EGFLAM: variants seen among roughly 807,000 people sequenced by gnomAD.
EGFLAM encodes the protein pikachurin.
Under a neutral mutation model 113.1 loss-of-function variants are expected in EGFLAM, and 79 were observed. That is an observed-to-expected ratio of 0.70 (90% CI 0.58 to 0.84). The LOEUF is 0.84. Among genes scored for constraint, EGFLAM ranks in the 40% least tolerant of loss-of-function variants. The pLI is 0.00. For synonymous variants in EGFLAM, 504 were observed against 487.6 expected, an observed-to-expected ratio of 1.03 and a Z score of -0.44; for missense variants, 1,265 against 1,291.6, an observed-to-expected ratio of 0.98 and a Z score of 0.32.
intron 16 of EGFLAM, among the ~76,000 whole-genome samples, chr5:38,435,922 A>G (rs571039559): frequency 4.8e-5 from 7 of 145,722 alleles, no homozygotes; most frequent in Non-Finnish European, 1.0e-4. Flanking sequence ...GGTTCAAGCG[A>G]TTCTCCTGCC....
intron 10 of EGFLAM, among the ~76,000 whole-genome samples, chr5:38,409,434 G>A (rs1160336027): frequency 6.6e-6 from 1 of 151,892 alleles, no homozygotes; most frequent in Non-Finnish European, 1.5e-5. Flanking sequence ...TGGCACTGCA[G>A]GTGCTGTTGA....
chr5:38,401,636 G>C (rs1322939985), intron 6 of EGFLAM, among the ~76,000 whole-genome samples: 3 of 152,158 alleles, frequency 2.0e-5, no homozygotes, highest in Admixed American at 2.0e-4. Context: ...CAGCACTGTG[G>C]GAGTGTCTCC....
chr5:38,326,421 C>T (rs1461367004), intron 1 of EGFLAM, among the ~76,000 whole-genome samples: 4 of 152,282 alleles, frequency 2.6e-5, no homozygotes, highest in South Asian at 4.1e-4. Context: ...GGTCACTGTC[C>T]ACTGACAATT....
At chr5:38,463,720 T>TC (rs1394085434) in intron 21 of EGFLAM, 112 bp from the exon 22 acceptor site, 16 of 1,344,624 alleles carry the variant, frequency 1.2e-5, no homozygotes, top group African/African-American at 2.9e-5. Flanking sequence ...GTCCCATGAA[T>TC]CAAGGGATGC....
chr5:38,364,553 T>C (rs1740009702), intron 5 of EGFLAM, among the ~76,000 whole-genome samples: 1 of 152,022 alleles, frequency 6.6e-6, no homozygotes, highest in African/African-American at 2.4e-5. Flanking sequence ...AAAAAGGCCT[T>C]ATAAAGGTGC....
At chr5:38,351,828 A>G (rs895445610) in intron 4 of EGFLAM, among the ~76,000 whole-genome samples, 35 of 152,130 alleles carry the variant, frequency 2.3e-4, no homozygotes, top group African/African-American at 8.0e-4. Flanking sequence ...AAACAGATGG[A>G]ATGCTATTAG....
At chr5:38,417,969 A>T in intron 11 of EGFLAM, 97 bp from the exon 12 acceptor site, 2 of 1,233,724 alleles carry the variant, frequency 1.6e-6, no homozygotes, top group Non-Finnish European at 2.3e-6. Flanking sequence ...TGGGGCTGTC[A>T]CTGACGTCTT....
chr5:38,277,321 C>T (rs1427306036), intron 1 of EGFLAM, among the ~76,000 whole-genome samples: 1 of 152,114 alleles, frequency 6.6e-6, no homozygotes, highest in Admixed American at 6.5e-5. Context: ...ACTGTATGAT[C>T]ATCTCAACAA....
Position 38,403,558 on chromosome 5 carries a change from C to T in EGFLAM, c.713-2568C>T, listed in dbSNP as rs1741183625. ...GTGAATCTGACAACTGAGACGGCTG[C>T]AGACCATGGGGCAGGGAGCATATGG... On this transcript the variant is annotated intron_variant, in intron 6 of 21. Transcript: ENST00000322350. The T allele has an allele frequency of 6.9e-5, 23 of 333,930 alleles. 1 individual carries two copies. In the South Asian group the frequency reaches 8.8e-4, roughly 13 times the overall value. The allele number at this position is 333,930 out of a possible 1,614,324, so 20.7% of individuals were successfully genotyped here.
intron 5 of EGFLAM, among the ~76,000 whole-genome samples, chr5:38,355,676 G>C (rs1739745806): frequency 6.6e-6 from 1 of 152,114 alleles, no homozygotes; most frequent in African/African-American, 2.4e-5. Flanking sequence ...GGTATATGTG[G>C]GTATTATGTA....
At chr5:38,446,138 T>A (rs1027708005) in intron 17 of EGFLAM, among the ~76,000 whole-genome samples, 2 of 151,988 alleles carry the variant, frequency 1.3e-5, no homozygotes, top group African/African-American at 4.8e-5. Flanking sequence ...GGATCTTCTC[T>A]CCTCCTTCTC....
intron 1 of EGFLAM, among the ~76,000 whole-genome samples, chr5:38,284,606 G>A (rs6871786): frequency 0.17 from 25,800 of 152,112 alleles, 2,450 homozygotes; most frequent in Middle Eastern, 0.29. Flanking sequence ...TTGTTTGCCT[G>A]CTCTATGGTC....
At position 38,311,194 on chromosome 5, in the gene EGFLAM, A is replaced by G. The variant is rs371367844; in HGVS notation, c.98-26326A>G. On this transcript the variant is annotated intron_variant, in intron 1 of 21. Coordinates refer to ENST00000322350, the MANE Select transcript of EGFLAM (RefSeq NM_152403.4). ...TGGAAGTCTATCAACACACATACTT[A>G]TCATTTATTTGTGGTGAGAACATTT... Among the ~76,000 whole-genome samples the G allele has an allele frequency of 5.9e-5, 9 of 152,160 alleles. No individual in the cohort carries two copies. The East Asian group carries it at 1.7e-3, about 29-fold the overall frequency.
intron 14 of EGFLAM, among the ~76,000 whole-genome samples, chr5:38,428,691 C>T (rs1742093204): frequency 1.3e-5 from 2 of 152,230 alleles, no homozygotes; most frequent in Non-Finnish European, 2.9e-5. Context: ...TCCACACTGC[C>T]TCTCTGCAGT....
rs754912955 is a variant in EGFLAM at position 38,258,786 on chromosome 5, T to G, written c.32T>G (p.Leu11Arg). MDLIRGVLLR[L>R]LLLASSLGPG... is the part of the protein sequence containing the mutation. Reference sequence around the variant, plus strand: ...TTAATCCGAGGCGTCTTGCTCCGGCTCCTGCTCCTGGCTTCCAGCCTCGGA... The same window carrying G: ...TTAATCCGAGGCGTCTTGCTCCGGCGCCTGCTCCTGGCTTCCAGCCTCGGA... The change falls in exon 1 of 22, where the codon CTC (leucine) becomes CGC (arginine). Residue 11 changes from leucine (L) to arginine (R), a missense_variant. Coordinates refer to ENST00000322350, the MANE Select transcript of EGFLAM (RefSeq NM_152403.4). 1.9e-6 allele frequency: 3 copies of G among 1,612,316 alleles called. No individual in the cohort carries two copies. In the Admixed American group the frequency reaches 5.0e-5, roughly 27 times the overall value.
chr5:38,457,269 G>T (rs979376047), intron 19 of EGFLAM, among the ~76,000 whole-genome samples: 1 of 152,116 alleles, frequency 6.6e-6, no homozygotes, highest in Non-Finnish European at 1.5e-5. Context: ...ATTTCTTAGG[G>T]CTCTGATAAT....
At chr5:38,453,794 G>C (rs1742998358) in intron 19 of EGFLAM, among the ~76,000 whole-genome samples, 1 of 152,090 alleles carries the variant, frequency 6.6e-6, no homozygotes, top group African/African-American at 2.4e-5. Flanking sequence ...GGGTGGGATG[G>C]TCCAACTTCC....
chr5:38,403,738 G>A (rs1741190005), intron 6 of EGFLAM: 5 of 1,526,140 alleles, frequency 3.3e-6, no homozygotes, highest in Non-Finnish European at 4.4e-6. Flanking sequence ...GAGGGTAAAT[G>A]AAATTGCAGA....
At chr5:38,364,791 A>G (rs930527025) in intron 5 of EGFLAM, among the ~76,000 whole-genome samples, 1 of 152,186 alleles carries the variant, frequency 6.6e-6, no homozygotes, top group Non-Finnish European at 1.5e-5. Flanking sequence ...GATTCAAGGC[A>G]TGGGATTGTC....
Sources: gnomAD v4.1 joint callset for allele counts (sites outside exome capture counted in the v4.1 genomes callset) on GRCh38, gnomAD v4.1.1 for gene constraint, MANE v1.5 for transcripts, NCBI Gene and HGNC (gene_info 2026-07-23, HGNC 2026-07-21) for gene names.